The following KIF4A variants were observed in gnomAD, a reference collection of about 807,000 sequenced individuals.
KIF4A encodes chromosome-associated kinesin KIF4A.
KIF4A carries 7 observed loss-of-function variants against 105.9 expected under a neutral mutation model. The ratio of observed to expected loss-of-function variants is 0.07; its 90% CI spans 0.04 to 0.12. The LOEUF (loss-of-function observed/expected upper bound fraction) is 0.12. Ranked by LOEUF, KIF4A falls within the 10% of genes least tolerant of loss-of-function variation. The probability of loss-of-function intolerance (pLI) is 1.00; values close to 1 mark genes in which losing one functional copy is unlikely to be tolerated. For missense variants in KIF4A, 558 were observed against 929.2 expected (o/e 0.60, Z 5.19); for synonymous variants, 281 against 331.3 (o/e 0.85, Z 1.65).
chrX:70,326,037 C>T (rs911236401), intron 7 of KIF4A, among the ~76,000 whole-genome samples: 3 of 111,483 alleles, frequency 2.7e-5, no homozygotes, highest in Non-Finnish European at 3.8e-5. Context: ...ACTCTATCCC[C>T]TATCGCTGGT....
chrX:70,346,105 G>A (rs1485029627), intron 13 of KIF4A, among the ~76,000 whole-genome samples: 2 of 111,167 alleles, frequency 1.8e-5, no homozygotes, highest in Non-Finnish European at 3.8e-5. Context: ...AATAAATAAG[G>A]TTTTTTAAAA....
intron 7 of KIF4A, among the ~76,000 whole-genome samples, chrX:70,309,106 T>C (rs2085839180): frequency 1.8e-5 from 2 of 112,302 alleles, no homozygotes; most frequent in African/African-American, 6.5e-5. Context: ...TTCTCTGTTA[T>C]GTACCTGAAA....
intron 7 of KIF4A, among the ~76,000 whole-genome samples, chrX:70,309,630 G>A (rs1285037778): frequency 8.9e-6 from 1 of 112,345 alleles, no homozygotes; most frequent in African/African-American, 3.2e-5. Context: ...GTTTAAAGTA[G>A]ACAGTGCGAT....
intron 7 of KIF4A, among the ~76,000 whole-genome samples, chrX:70,312,251 T>A (rs778561532): frequency 8.3e-5 from 9 of 108,199 alleles, no homozygotes; most frequent in African/African-American, 3.0e-4. Flanking sequence ...TTCAAGTGAT[T>A]TTCCTGCCTC....
At chrX:70,372,349 C>A (rs1458301510) in intron 15 of KIF4A, among the ~76,000 whole-genome samples, 5 of 113,103 alleles carry the variant, frequency 4.4e-5, no homozygotes, top group Non-Finnish European at 9.4e-5. Flanking sequence ...CCAGCCTGGG[C>A]ACCATTGAGC....
chrX:70,351,210 G>A (rs1043080700), intron 13 of KIF4A, among the ~76,000 whole-genome samples: 10 of 110,825 alleles, frequency 9.0e-5, no homozygotes, highest in Admixed American at 2.9e-4. Flanking sequence ...TAGATATATC[G>A]GGTAGTACCG....
chrX:70,339,282 T>C (rs1290959458), intron 10 of KIF4A, among the ~76,000 whole-genome samples: 1 of 111,585 alleles, frequency 9.0e-6, no homozygotes, highest in African/African-American at 3.3e-5. Context: ...GTAGAACATT[T>C]AGAGAAGTAT....
intron 3 of KIF4A, among the ~76,000 whole-genome samples, chrX:70,295,852 G>A (rs1037519021): frequency 1.9e-5 from 2 of 107,422 alleles, no homozygotes; most frequent in Admixed American, 2.0e-4. Flanking sequence ...GGGAGGTGGA[G>A]GTTGTAGTTA....
chrX:70,340,000 T>A (rs1380468144), intron 10 of KIF4A, among the ~76,000 whole-genome samples: 1 of 111,651 alleles, frequency 9.0e-6, no homozygotes. Context: ...TCCTTATTAC[T>A]GTGAGAGCTT....
intron 10 of KIF4A, among the ~76,000 whole-genome samples, chrX:70,337,657 G>A (rs2085955826): frequency 9.0e-6 from 1 of 111,388 alleles, no homozygotes; most frequent in South Asian, 3.8e-4. Context: ...GCAACAGAGT[G>A]AGACCCTGTC....
chrX:70,383,231 T>C lies in KIF4A; in HGVS notation c.2035-3387T>C, dbSNP rs188123509. On this transcript the variant is annotated intron_variant, in intron 18 of 30. Transcript: ENST00000374403. The stretch of plus-strand genomic sequence containing the variant: ...CTCTTACCAATCAACAATAAAAATA[T>C]AACCCAGTTTTAAAATGGGCAAAGC... Among the ~76,000 whole-genome samples, 267 of 106,450 alleles carry C rather than the reference T, an allele frequency of 2.5e-3. 2 individuals are homozygous for C. The highest frequency in any genetic ancestry group is 2.6e-3 in the Non-Finnish European group (133 of 51,454). 92.4% of individuals were successfully genotyped at this position (106,450 alleles called of 115,157 possible). A position where few individuals can be genotyped will look rare whatever the true frequency, so the allele number is the denominator to read the frequency against.
intron 18 of KIF4A, among the ~76,000 whole-genome samples, chrX:70,384,715 C>T (rs1291816348): frequency 1.8e-5 from 2 of 110,880 alleles, no homozygotes; most frequent in East Asian, 2.8e-4. Flanking sequence ...CAGAGGGAGA[C>T]TCCGTCTCAA....
Position 70,395,671 on chromosome X carries a change from A to C in KIF4A, c.2233A>C (p.Asn745His), listed in dbSNP as rs887125115. ...CAGACATCACTGATTTCTCTTCCAG[A>C]ATTGGCTTGGAAACGAAATTGAGGT... Reference protein sequence around the residue: ...GMEGTAARVKNWLGNEIEVMV... With the variant: ...GMEGTAARVKHWLGNEIEVMV... Residue 745 changes from asparagine (N) to histidine (H), a missense_variant and splice_region_variant, in exon 21 of 31, where the codon AAT becomes CAT. By Grantham distance (68) the Asn-to-His change is moderately conservative. Transcript: ENST00000374403. 4 of 1,209,404 alleles carry C rather than the reference A, an allele frequency of 3.3e-6. No individual in the cohort carries two copies. The highest frequency in any genetic ancestry group is 3.4e-6 in the Non-Finnish European group (3 of 895,087).
chrX:70,351,030 C>T (rs1174339613), intron 13 of KIF4A, among the ~76,000 whole-genome samples: 1 of 111,976 alleles, frequency 8.9e-6, no homozygotes, highest in African/African-American at 3.2e-5. Flanking sequence ...TTAGTTTTCC[C>T]TTCTAGGTGG....
chrX:70,403,096 CAT>C (rs767800998), intron 23 of KIF4A, among the ~76,000 whole-genome samples: 7 of 111,999 alleles, frequency 6.3e-5, no homozygotes, highest in Non-Finnish European at 1.3e-4. Flanking sequence ...CATCTTTTGA[CAT>C]ATAAAGATTC....
In KIF4A at chrX:70,367,247, A is replaced by T. The variant is rs759296579; in HGVS notation, c.1675-6904A>T. Among the ~76,000 whole-genome samples the T allele has an allele frequency of 5.3e-4, 59 of 110,951 alleles. 1 individual carries two copies. Among genetic ancestry groups the T allele is most frequent in the African/African-American group, 1.9e-3 (57 of 30,481 alleles). ...TTTTAATTGGAGCATTTAGCCCGTT[A>T]ACATTTAAGGTTAATATTGTTATGT... On this transcript the variant is annotated intron_variant, in intron 15 of 30. Coordinates refer to ENST00000374403, the MANE Select transcript of KIF4A (RefSeq NM_012310.5).
At chrX:70,291,863 A>C (rs938755052) in intron 3 of KIF4A, among the ~76,000 whole-genome samples, 5 of 111,844 alleles carry the variant, frequency 4.5e-5, no homozygotes, top group Non-Finnish European at 9.4e-5. Context: ...AAAGATCTTT[A>C]TAATGAGATG....
intron 10 of KIF4A, among the ~76,000 whole-genome samples, 198 bp from the exon 11 acceptor site, chrX:70,341,601 G>T (rs372414293): frequency 8.9e-6 from 1 of 111,847 alleles, no homozygotes; most frequent in African/African-American, 3.2e-5. Context: ...CTTCAGAGAT[G>T]TGTTTATTGT....
At chrX:70,403,304 A>G (rs979979918) in intron 23 of KIF4A, among the ~76,000 whole-genome samples, 11 of 112,399 alleles carry the variant, frequency 9.8e-5, no homozygotes, top group Admixed American at 2.8e-4. Flanking sequence ...TTGTTCTACT[A>G]AGGAAATCTT....
Sources: gnomAD v4.1 joint callset for allele counts (sites outside exome capture counted in the v4.1 genomes callset) on GRCh38, gnomAD v4.1.1 for gene constraint, MANE v1.5 for transcripts, NCBI Gene and HGNC (gene_info 2026-07-23, HGNC 2026-07-21) for gene names.